Variants in LIPG observed in about 807,000 individuals in gnomAD.
LIPG encodes lipase G, endothelial type.
In LIPG, 34 loss-of-function variants were observed where a neutral mutation model predicts 51.8. That is an observed-to-expected ratio of 0.66 (90% CI 0.50 to 0.87). The LOEUF (loss-of-function observed/expected upper bound fraction) is 0.87. Among genes scored for constraint, LIPG ranks in the 40% least tolerant of loss-of-function variants. The probability of loss-of-function intolerance (pLI) is 0.00; values close to 1 mark genes in which losing one functional copy is unlikely to be tolerated. For synonymous variants in LIPG, 246 were observed against 246.1 expected, an observed-to-expected ratio of 1.00 and a Z score of 0.00; for missense variants, 580 against 652.7, an observed-to-expected ratio of 0.89 and a Z score of 1.21.
At chr18:49,568,171 AG>A (rs1444594579) in intron 3 of LIPG, among the ~76,000 whole-genome samples, 1 of 152,092 alleles carries the variant, frequency 6.6e-6, no homozygotes. Flanking sequence ...CTGAAACTAC[AG>A]GCCTGTGTCA....
chr18:49,568,197 T>A (rs1346028016), intron 3 of LIPG, among the ~76,000 whole-genome samples: 2 of 151,486 alleles, frequency 1.3e-5, no homozygotes, highest in Non-Finnish European at 2.9e-5. Context: ...GCCCAGCTAA[T>A]TTTTTTGTAT....
In LIPG at chr18:49,595,058, T is replaced by A. The variant is rs1303250799; in HGVS notation, c.*4536T>A. ...TGAAGCCCCAGACCCCTTGGAAGGA[T>A]GGATACAAAGTAGGTACTAGAACAG... On this transcript the variant is annotated 3_prime_UTR_variant, in exon 10 of 10. Coordinates refer to ENST00000261292, the MANE Select transcript of LIPG (RefSeq NM_006033.4). The A allele has an allele frequency of 4.6e-5, 7 of 152,214 alleles. No individual in the cohort carries two copies. The highest frequency in any genetic ancestry group is 1.7e-4 in the African/African-American group (7 of 41,454). 9.4% of individuals were successfully genotyped at this position (152,214 alleles called of 1,614,324 possible).
At chr18:49,587,963 AT>A (rs1019516863) in intron 9 of LIPG, among the ~76,000 whole-genome samples, 1 of 151,754 alleles carries the variant, frequency 6.6e-6, no homozygotes, top group Non-Finnish European at 1.5e-5. Flanking sequence ...TAATTTGTGT[AT>A]TTTTTTGCAG....
upstream of LIPG, chr18:49,562,022 C>T: frequency 7.0e-7 from 1 of 1,427,838 alleles, no homozygotes; most frequent in Non-Finnish European, 9.1e-7. Flanking sequence ...AGATGACTCC[C>T]ATACTTTTAA....
At chr18:49,589,392 A>G (rs1207754637) in intron 9 of LIPG, 3 of 152,238 alleles carry the variant, frequency 2.0e-5, no homozygotes, top group Non-Finnish European at 4.4e-5. Flanking sequence ...GTGTTTCCAC[A>G]TATATTAACT....
At chr18:49,590,181 GT>G in intron 9 of LIPG, 1 of 433,694 alleles carries the variant, frequency 2.3e-6, no homozygotes, top group Non-Finnish European at 4.2e-6. Flanking sequence ...GATTGTGTGT[GT>G]GTGTGTGTGT....
At chr18:49,590,399 G>A in intron 9 of LIPG, 102 bp from the exon 10 acceptor site, 1 of 1,284,230 alleles carries the variant, frequency 7.8e-7, no homozygotes. Context: ...AGGGGTGTCA[G>A]AAAGCTTGGC....
intron 1 of LIPG, 54 bp from the exon 2 acceptor site, chr18:49,565,263 T>C: frequency 6.4e-7 from 1 of 1,573,440 alleles, no homozygotes; most frequent in Admixed American, 1.7e-5. Context: ...AGACCCCAGG[T>C]CTCTCACTCC....
intron 4 of LIPG, among the ~76,000 whole-genome samples, chr18:49,571,121 G>A (rs1342681031): frequency 6.6e-6 from 1 of 152,146 alleles, no homozygotes; most frequent in African/African-American, 2.4e-5. Flanking sequence ...GCCCAAAGCG[G>A]GCTATGATTG....
intron 5 of LIPG, among the ~76,000 whole-genome samples, chr18:49,576,457 CTTTTTTT>C (rs34597464): frequency 1.9e-4 from 10 of 51,526 alleles, no homozygotes; most frequent in African/African-American, 4.2e-4. Flanking sequence ...CAGAATCTTG[CTTTTTTT>C]TTTTTTTTTT....
chr18:49,575,286 C>T (rs2084703633), intron 4 of LIPG, 83 bp from the exon 5 acceptor site: 2 of 1,059,600 alleles, frequency 1.9e-6, no homozygotes, highest in Non-Finnish European at 2.9e-6. Flanking sequence ...TCATTCTGCA[C>T]ACTCAGACTT....
intron 4 of LIPG, among the ~76,000 whole-genome samples, chr18:49,572,653 C>T (rs1027748044): frequency 7.9e-5 from 12 of 151,052 alleles, no homozygotes; most frequent in African/African-American, 2.9e-4. Context: ...ATCACCTGAG[C>T]CCAGGAGGTG....
chr18:49,587,106 TAA>T lies in LIPG; in HGVS notation c.1481+272_1481+273del, dbSNP rs11354327. 2.3e-3 allele frequency among the ~76,000 whole-genome samples: 295 copies of T among 128,440 alleles called. 1 individual carries two copies. Among genetic ancestry groups the T allele is most frequent in the Middle Eastern group, 7.8e-3 (2 of 256 alleles). The allele number at this position is 128,440 out of a possible 152,430, so 84.3% of individuals were successfully genotyped here. On this transcript the variant is annotated intron_variant, in intron 9 of 9. Coordinates refer to ENST00000261292, the MANE Select transcript of LIPG (RefSeq NM_006033.4). Reference sequence around the variant, plus strand: ...TAACATAGTGAAACCCCATCTCTACTAAAAAAAAAAAAAAAAAGAATGCCGGG... The same window carrying T: ...TAACATAGTGAAACCCCATCTCTACTAAAAAAAAAAAAAAAGAATGCCGGG...
chr18:49,575,154 A>G (rs368920017), intron 4 of LIPG, among the ~76,000 whole-genome samples: 3 of 152,224 alleles, frequency 2.0e-5, no homozygotes, highest in East Asian at 1.9e-4. Flanking sequence ...TATAAATTCC[A>G]TAACAGTAGG....
chr18:49,561,711 T>A (rs1244828711), upstream of LIPG: 1 of 1,245,100 alleles, frequency 8.0e-7, no homozygotes, highest in Admixed American at 3.8e-5. Flanking sequence ...AGGGATCGCC[T>A]CCCCAGCGGA....
intron 8 of LIPG, among the ~76,000 whole-genome samples, chr18:49,584,026 GCT>G (rs1368701143): frequency 6.6e-6 from 1 of 152,174 alleles, no homozygotes; most frequent in African/African-American, 2.4e-5. Context: ...TTCAGCCCTG[GCT>G]CTGTTTGCCA....
intron 9 of LIPG, among the ~76,000 whole-genome samples, chr18:49,588,167 T>G (rs2084903287): frequency 6.6e-6 from 1 of 152,116 alleles, no homozygotes; most frequent in Admixed American, 6.6e-5. Context: ...AGCTTCCTTC[T>G]GGCCACCAGG....
At chr18:49,583,463 G>C in intron 7 of LIPG, 93 bp from the exon 8 acceptor site, 1 of 973,648 alleles carries the variant, frequency 1.0e-6, no homozygotes, top group Middle Eastern at 2.1e-4. Flanking sequence ...TCTCCTGTCT[G>C]TGTGGGGTTG....
chr18:49,590,715 G>C lies in LIPG; in HGVS notation c.*193G>C. On this transcript the variant is annotated 3_prime_UTR_variant, in exon 10 of 10. Transcript: ENST00000261292. Reference sequence around the variant, plus strand: ...AGGGGACTGCGCTGCTATAGCTCTTGCTGCCTCTCTTGAATAGCTCTAACT... The same window carrying C: ...AGGGGACTGCGCTGCTATAGCTCTTCCTGCCTCTCTTGAATAGCTCTAACT... 1 of 655,604 alleles carries C rather than the reference G, an allele frequency of 1.5e-6. No individual in the cohort carries two copies. Among genetic ancestry groups the C allele is most frequent in the Non-Finnish European group, 2.7e-6 (1 of 363,966 alleles). 40.6% of individuals were successfully genotyped at this position (655,604 alleles called of 1,614,324 possible).
Sources: gnomAD v4.1 joint callset for allele counts (sites outside exome capture counted in the v4.1 genomes callset) on GRCh38, gnomAD v4.1.1 for gene constraint, MANE v1.5 for transcripts, NCBI Gene and HGNC (gene_info 2026-07-23, HGNC 2026-07-21) for gene names.